FOXN3: variants seen among roughly 807,000 people sequenced by gnomAD.
The protein encoded by FOXN3 is forkhead box protein N3.
Under a neutral mutation model 38.4 loss-of-function variants are expected in FOXN3, and 7 were observed. That is an observed-to-expected ratio of 0.18 (90% CI 0.10 to 0.34). The LOEUF is 0.34. FOXN3 is among the 10% of genes least tolerant of loss of function. FOXN3 has a pLI of 1.00. For synonymous variants in FOXN3, 230 were observed against 242.2 expected (o/e 0.95, Z 0.47); for missense variants, 456 against 613.4 (o/e 0.74, Z 2.71).
At chr14:89,611,607 C>A (rs903792966) in intron 1 of FOXN3, among the ~76,000 whole-genome samples, 2 of 152,028 alleles carry the variant, frequency 1.3e-5, no homozygotes, top group African/African-American at 2.4e-5. Flanking sequence ...GAGATCGAGA[C>A]CATCCTGGTT....
At chr14:89,295,604 G>C (rs1887010705) in intron 3 of FOXN3, among the ~76,000 whole-genome samples, 1 of 151,770 alleles carries the variant, frequency 6.6e-6, no homozygotes, top group African/African-American at 2.4e-5. Context: ...TTTTGAGGCA[G>C]GGTCTCACTC....
intron 1 of FOXN3, among the ~76,000 whole-genome samples, chr14:89,612,344 AAGAGG>A (rs1896409006): frequency 6.6e-6 from 1 of 152,178 alleles, no homozygotes; most frequent in Non-Finnish European, 1.5e-5. Flanking sequence ...CAGAAGTGTC[AAGAGG>A]CCATTCTAAA....
chr14:89,202,121 C>T (rs72699563), intron 4 of FOXN3, among the ~76,000 whole-genome samples: 16,532 of 152,282 alleles, frequency 0.11, 1,049 homozygotes, highest in Middle Eastern at 0.18. Flanking sequence ...TAACTGCGTG[C>T]CCACCTCTCC....
At chr14:89,482,780 C>T (rs1164706715) in intron 1 of FOXN3, among the ~76,000 whole-genome samples, 6 of 149,354 alleles carry the variant, frequency 4.0e-5, no homozygotes, top group African/African-American at 1.5e-4. Flanking sequence ...CATGGTGGCA[C>T]GTGTCTGTAA....
At chr14:89,371,640 G>C (rs987029035) in intron 2 of FOXN3, among the ~76,000 whole-genome samples, 4 of 151,922 alleles carry the variant, frequency 2.6e-5, no homozygotes, top group African/African-American at 9.7e-5. Flanking sequence ...CCTGCTCCTA[G>C]CCCCAGGAGA....
intron 2 of FOXN3, among the ~76,000 whole-genome samples, chr14:89,372,503 C>A (rs73325197): frequency 0.025 from 3,845 of 152,182 alleles, 163 homozygotes; most frequent in African/African-American, 0.088. Flanking sequence ...CTTACCTGAG[C>A]CACTATATAG....
intron 1 of FOXN3, among the ~76,000 whole-genome samples, chr14:89,528,376 C>CTTTTTTTTTTTTTTTTTTTTT (rs55935162): frequency 5.6e-5 from 3 of 53,576 alleles, no homozygotes; most frequent in Non-Finnish European, 6.8e-5. Flanking sequence ...ATGGATGAAT[C>CTTTTTTTTTTTTTTTTTTTTT]TTTTTTTTTT....
At chr14:89,261,653 G>A (rs1197490638) in intron 4 of FOXN3, among the ~76,000 whole-genome samples, 1 of 152,288 alleles carries the variant, frequency 6.6e-6, no homozygotes, top group African/African-American at 2.4e-5. Context: ...AATTAGGCCA[G>A]GCGTGGTGGC....
chr14:89,324,190 C>T (rs1477376915), intron 3 of FOXN3, among the ~76,000 whole-genome samples: 1 of 152,172 alleles, frequency 6.6e-6, no homozygotes, highest in East Asian at 1.9e-4. Context: ...CGCCCATTAG[C>T]TAAAGTGATT....
chr14:89,590,414 A>C (rs527549034), intron 1 of FOXN3, among the ~76,000 whole-genome samples: 89 of 152,284 alleles, frequency 5.8e-4, no homozygotes, highest in Non-Finnish European at 2.8e-4. Flanking sequence ...CAGAAGGAGG[A>C]AAGCTGACAC....
At chr14:89,460,753 G>A (rs779204152) in intron 1 of FOXN3, among the ~76,000 whole-genome samples, 5 of 152,110 alleles carry the variant, frequency 3.3e-5, no homozygotes, top group Non-Finnish European at 7.4e-5. Context: ...GACAAATGCC[G>A]GGCGCGGTGA....
At chr14:89,389,980 G>A (rs1345851267) in intron 2 of FOXN3, among the ~76,000 whole-genome samples, 2 of 152,112 alleles carry the variant, frequency 1.3e-5, no homozygotes, top group African/African-American at 4.8e-5. Flanking sequence ...AGCACTTTGG[G>A]AGGCCGAGGT....
chr14:89,345,624 C>T (rs1010360694), intron 3 of FOXN3, among the ~76,000 whole-genome samples: 1 of 152,074 alleles, frequency 6.6e-6, no homozygotes, highest in African/African-American at 2.4e-5. Context: ...CCCTCCCAAC[C>T]TTCCCCCTAC....
chr14:89,353,043 C>T (rs1057320780), intron 2 of FOXN3, among the ~76,000 whole-genome samples: 33 of 152,270 alleles, frequency 2.2e-4, no homozygotes, highest in African/African-American at 7.9e-4. Context: ...AATAAACCCC[C>T]AGGACTGTGC....
chr14:89,261,786 G>A (rs1885810764), intron 4 of FOXN3, among the ~76,000 whole-genome samples: 1 of 152,170 alleles, frequency 6.6e-6, no homozygotes, highest in African/African-American at 2.4e-5. Flanking sequence ...AAATTAGCTG[G>A]GCGTGGTGAC....
chr14:89,363,988 A>ATATATAAT (rs1420813459), intron 2 of FOXN3, among the ~76,000 whole-genome samples: 3 of 52,062 alleles, frequency 5.8e-5, no homozygotes, highest in African/African-American at 2.7e-4. Flanking sequence ...ATATATATAT[A>ATATATAAT]ATATATATAT....
At chr14:89,363,675 C>A in intron 2 of FOXN3, among the ~76,000 whole-genome samples, 1 of 152,202 alleles carries the variant, frequency 6.6e-6, no homozygotes, top group Non-Finnish European at 1.5e-5. Flanking sequence ...CCACTTAATT[C>A]TCCTCTCTGT....
At chr14:89,473,773 C>T (rs1020033332) in intron 1 of FOXN3, among the ~76,000 whole-genome samples, 5 of 152,180 alleles carry the variant, frequency 3.3e-5, no homozygotes, top group African/African-American at 1.2e-4. Context: ...AGTTTTAAAA[C>T]TCCAGATGTT....
intron 2 of FOXN3, among the ~76,000 whole-genome samples, chr14:89,370,969 A>G (rs1019351283): frequency 1.3e-5 from 2 of 148,438 alleles, no homozygotes; most frequent in African/African-American, 2.4e-5. Flanking sequence ...CCCCAACACA[A>G]CAACAAAACC....
Sources: allele counts gnomAD v4.1 joint callset (sites outside exome capture counted in the v4.1 genomes callset), GRCh38; gene constraint gnomAD v4.1.1; transcripts MANE v1.5; gene names NCBI Gene and HGNC (gene_info 2026-07-23, HGNC 2026-07-21).